LRRC4C: variants seen among roughly 807,000 people sequenced by gnomAD.
LRRC4C encodes leucine-rich repeat-containing protein 4C.
LRRC4C carries 5 observed loss-of-function variants against 33.6 expected under a neutral mutation model. That is an observed-to-expected ratio of 0.15 (90% CI 0.08 to 0.31). The LOEUF is 0.31. Ranked by LOEUF, LRRC4C falls within the 10% of genes least tolerant of loss-of-function variation. The pLI is 1.00. For synonymous variants in LRRC4C, 329 were observed against 302.0 expected, an observed-to-expected ratio of 1.09 and a Z score of -0.93; for missense variants, 560 against 796.7, an observed-to-expected ratio of 0.70 and a Z score of 3.58.
intron 1 of LRRC4C, among the ~76,000 whole-genome samples, chr11:41,371,721 G>C (rs1456932521): frequency 2.0e-5 from 3 of 152,198 alleles, no homozygotes; most frequent in Non-Finnish European, 4.4e-5. Context: ...CAAGGATATA[G>C]TAAAACTTTG....
intron 1 of LRRC4C, among the ~76,000 whole-genome samples, chr11:41,102,907 T>C (rs1388419890): frequency 3.3e-5 from 5 of 151,910 alleles, no homozygotes; most frequent in African/African-American, 9.7e-5. Flanking sequence ...TATGTGAAAA[T>C]GAAGGTGCTG....
chr11:40,579,846 A>G (rs1164928777), intron 3 of LRRC4C, among the ~76,000 whole-genome samples: 1 of 152,184 alleles, frequency 6.6e-6, no homozygotes, highest in African/African-American at 2.4e-5. Flanking sequence ...GCTGGAGTGC[A>G]GTGGCGCGAT....
intron 3 of LRRC4C, among the ~76,000 whole-genome samples, chr11:40,329,737 C>CTTTT (rs199598860): frequency 5.8e-5 from 7 of 120,408 alleles, no homozygotes; most frequent in South Asian, 2.6e-4. Context: ...CTTTCTTTTT[C>CTTTT]TTTTTTTTTT....
Position 40,696,752 on chromosome 11 carries a change from A to ATATATATATATCTGAG in LRRC4C, c.-406-48475_-406-48474insCTCAGATATATATATA, listed in dbSNP as rs1565645973. Among the ~76,000 whole-genome samples, 2 of 118,348 alleles carry ATATATATATATCTGAG rather than the reference A, an allele frequency of 1.7e-5. 1 individual carries two copies. 77.6% of individuals were successfully genotyped at this position (118,348 alleles called of 152,430 possible). On this transcript the variant is annotated intron_variant, in intron 2 of 6. Transcript: ENST00000528697. ...CTGTGCATATATATACACTGTGTATATATATATATATATATATATATATCT... is the reference window on the plus strand; with the variant it reads ...CTGTGCATATATATACACTGTGTATATATATATATATCTGAGTATATATATATATATATATATATCT...
At chr11:40,656,769 C>T (rs1206283444) in intron 2 of LRRC4C, among the ~76,000 whole-genome samples, 1 of 152,094 alleles carries the variant, frequency 6.6e-6, no homozygotes, top group African/African-American at 2.4e-5. Context: ...TCAAAGGTAC[C>T]TGGATGATCT....
intron 2 of LRRC4C, among the ~76,000 whole-genome samples, chr11:40,678,156 T>G (rs1944500882): frequency 6.6e-6 from 1 of 151,964 alleles, no homozygotes; most frequent in Admixed American, 6.6e-5. Flanking sequence ...AACTTTTATT[T>G]TAGAATTAGG....
chr11:41,171,080 T>C (rs1160369926), intron 1 of LRRC4C, among the ~76,000 whole-genome samples: 16 of 151,844 alleles, frequency 1.1e-4, no homozygotes, highest in Admixed American at 8.5e-4. Flanking sequence ...GTTAGAATGG[T>C]GATCATTAAA....
chr11:40,234,427 G>A (rs1254125014), intron 5 of LRRC4C, among the ~76,000 whole-genome samples: 1 of 152,112 alleles, frequency 6.6e-6, no homozygotes, highest in South Asian at 2.1e-4. Flanking sequence ...CACCTATCTA[G>A]TAAGAGAAGG....
chr11:40,937,792 C>T (rs1192367640), intron 1 of LRRC4C, among the ~76,000 whole-genome samples: 1 of 151,928 alleles, frequency 6.6e-6, no homozygotes, highest in Admixed American at 6.6e-5. Flanking sequence ...GAGGCACATG[C>T]CACCATGCCC....
At chr11:40,786,222 C>T (rs1333867901) in intron 2 of LRRC4C, among the ~76,000 whole-genome samples, 1 of 152,158 alleles carries the variant, frequency 6.6e-6, no homozygotes, top group Non-Finnish European at 1.5e-5. Context: ...TATACCTTTG[C>T]ATGGCCTCAT....
chr11:40,863,742 G>A (rs2135870510), intron 2 of LRRC4C, among the ~76,000 whole-genome samples: 1 of 152,248 alleles, frequency 6.6e-6, no homozygotes, highest in South Asian at 2.1e-4. Context: ...CCTTCTTGTT[G>A]CTATTCATTA....
chr11:40,964,143 G>C, intron 1 of LRRC4C, among the ~76,000 whole-genome samples: 1 of 151,486 alleles, frequency 6.6e-6, no homozygotes, highest in Non-Finnish European at 1.5e-5. Context: ...TCATAGAAAG[G>C]TTGTGAGGAT....
intron 1 of LRRC4C, among the ~76,000 whole-genome samples, chr11:41,238,111 T>A (rs2136520628): frequency 6.6e-6 from 1 of 152,304 alleles, no homozygotes; most frequent in East Asian, 1.9e-4. Flanking sequence ...ACTTCTTCAA[T>A]TTTTCTAATT....
In LRRC4C at chr11:40,485,906, T is replaced by C. The variant is rs975711612; in HGVS notation, c.-270+162236A>G. 1.4e-4 allele frequency among the ~76,000 whole-genome samples: 22 copies of C among 151,944 alleles called. 1 individual carries two copies. Among genetic ancestry groups the C allele is most frequent in the African/African-American group, 5.3e-4 (22 of 41,464 alleles). Reference sequence around the variant, plus strand: ...ACTAACACAGGAACAGAAAACCAAATACTGCATGTTCTCACTTATAAGTGG... The same window carrying C: ...ACTAACACAGGAACAGAAAACCAAACACTGCATGTTCTCACTTATAAGTGG... On this transcript the variant is annotated intron_variant, in intron 3 of 6. Transcript: ENST00000528697.
intron 2 of LRRC4C, among the ~76,000 whole-genome samples, chr11:40,752,742 C>T (rs1948754559): frequency 6.6e-6 from 1 of 152,006 alleles, no homozygotes; most frequent in South Asian, 2.1e-4. Flanking sequence ...AATAGAACTA[C>T]CATACAATCC....
intron 3 of LRRC4C, among the ~76,000 whole-genome samples, chr11:40,553,262 ACT>A (rs972123291): frequency 4.4e-5 from 6 of 137,630 alleles, no homozygotes; most frequent in African/African-American, 8.1e-5. Context: ...ACAGAGTGAG[ACT>A]CTGTCTAAAA....
chr11:40,606,374 CAAGAA>C (rs1960591057), intron 3 of LRRC4C, among the ~76,000 whole-genome samples: 1 of 152,102 alleles, frequency 6.6e-6, no homozygotes, highest in Non-Finnish European at 1.5e-5. Flanking sequence ...AACACATCCA[CAAGAA>C]AAGTTGAGAA....
At chr11:40,146,265 A>G (rs139628976) in intron 5 of LRRC4C, among the ~76,000 whole-genome samples, 2 of 152,270 alleles carry the variant, frequency 1.3e-5, no homozygotes, top group Non-Finnish European at 2.9e-5. Context: ...ACTGTGCATT[A>G]TATATATTTA....
At chr11:40,182,337 AC>A (rs1861074345) in intron 5 of LRRC4C, among the ~76,000 whole-genome samples, 1 of 152,044 alleles carries the variant, frequency 6.6e-6, no homozygotes, top group Non-Finnish European at 1.5e-5. Context: ...AACCTCACAT[AC>A]CACCCTTGCT....
Sources: allele counts gnomAD v4.1 joint callset (sites outside exome capture counted in the v4.1 genomes callset), GRCh38; gene constraint gnomAD v4.1.1; transcripts MANE v1.5; gene names NCBI Gene and HGNC (gene_info 2026-07-23, HGNC 2026-07-21).